The following SLC39A5 variants were observed in gnomAD, a reference collection of about 807,000 sequenced individuals.
SLC39A5 encodes the protein zinc transporter ZIP5.
Under a neutral mutation model 46.9 loss-of-function variants are expected in SLC39A5, and 42 were observed. That is an observed-to-expected ratio of 0.90 (90% CI 0.70 to 1.16). The LOEUF is 1.16. SLC39A5 is among the 50% of genes most tolerant of loss of function. The probability of loss-of-function intolerance (pLI) is 0.00; values close to 1 mark genes in which losing one functional copy is unlikely to be tolerated. For synonymous variants in SLC39A5, 311 were observed against 323.1 expected (o/e 0.96, Z 0.40); for missense variants, 677 against 686.8 (o/e 0.99, Z 0.16).
At position 56,231,418 on chromosome 12, in the gene SLC39A5, C is replaced by T. The variant is rs201565086; in HGVS notation, c.144C>T (p.Gly48=). The T allele has an allele frequency of 1.3e-4, 214 of 1,614,080 alleles. 1 individual carries two copies. The highest frequency in any genetic ancestry group is 1.7e-4 in the Non-Finnish European group (204 of 1,179,998). ...HYLAQLFGLY[G]ENGTLTAGGL... is the part of the protein sequence containing the mutation. ...TGGCCCAGCTGTTTGGCCTGTACGG[C>T]GAGAATGGGACGCTGACTGCAGGGG... The change falls in exon 4 of 13, where the codon GGC becomes GGT. Residue 48 remains glycine, a synonymous_variant. Transcript: ENST00000454355.
chr12:56,230,958 T>G, intron 3 of SLC39A5, 85 bp downstream of exon 3: 3 of 311,132 alleles, frequency 9.6e-6, no homozygotes, highest in African/African-American at 2.1e-5. Flanking sequence ...AGGGGTGGGG[T>G]TTAGGGGACA....
In SLC39A5 at chr12:56,237,252, T is replaced by G. The variant is rs1592381561; in HGVS notation, c.1391T>G (p.Val464Gly). 6.2e-7 allele frequency: 1 copy of G among 1,613,336 alleles called. No individual in the cohort carries two copies. Among genetic ancestry groups the G allele is most frequent in the Non-Finnish European group, 8.5e-7 (1 of 1,179,866 alleles). The change falls in exon 12 of 13, where the codon GTG (valine) becomes GGG (glycine). Residue 464 changes from valine to glycine, a missense_variant. Val to Gly is a moderately radical substitution (Grantham distance 109). Coordinates refer to ENST00000454355, the MANE Select transcript of SLC39A5 (RefSeq NM_173596.3). ...ALGLGGAVLG[V>G]GLSLGPVPLT... The stretch of plus-strand genomic sequence containing the variant: ...GGATTGGGGGGTGCAGTCCTGGGGG[T>G]GGGGCTCAGCCTGGGCCCTGTCCCC...
At chr12:56,233,877 C>T (rs1870475735) in intron 5 of SLC39A5, among the ~76,000 whole-genome samples, 1 of 152,144 alleles carries the variant, frequency 6.6e-6, no homozygotes, top group Non-Finnish European at 1.5e-5. Flanking sequence ...AAGATTCTGG[C>T]ATGGAGAGCT....
At chr12:56,232,294 T>C (rs1365765338) in intron 4 of SLC39A5, among the ~76,000 whole-genome samples, 1 of 150,372 alleles carries the variant, frequency 6.7e-6, no homozygotes, top group Non-Finnish European at 1.5e-5. Flanking sequence ...GCCTCCTGAG[T>C]AGCTGGGATT....
Position 56,237,233 on chromosome 12 carries a change from G to A in SLC39A5, c.1372G>A (p.Gly458Arg), listed in dbSNP as rs1165702909. The change falls in exon 12 of 13, where the codon GGG (glycine) becomes AGG (arginine). Residue 458 changes from glycine to arginine, a missense_variant. Transcript: ENST00000454355. Reference protein sequence around the residue: ...LSLVSGALGLGGAVLGVGLSL... With the variant: ...LSLVSGALGLRGAVLGVGLSL... The stretch of plus-strand genomic sequence containing the variant: ...CCTCGTGTCTGGAGCCCTGGGATTG[G>A]GGGGTGCAGTCCTGGGGGTGGGGCT... 14 of 1,613,868 alleles carry A rather than the reference G, an allele frequency of 8.7e-6. No homozygotes were observed. The highest frequency in any genetic ancestry group is 1.3e-5 in the African/African-American group (1 of 74,916).
In SLC39A5 at chr12:56,236,765, G is replaced by C. The variant is rs1338830645; in HGVS notation, c.1207+19G>C. On this transcript the variant is annotated intron_variant, in intron 10 of 12. Transcript: ENST00000454355. ...GCCATAGGTGTGAGGGGTGGGAACG[G>C]AGGGAAGCAGGTCCGAGGGGAGGCC... 1 of 1,585,808 alleles carries C rather than the reference G, an allele frequency of 6.3e-7. No homozygotes were observed.
In SLC39A5 at chr12:56,235,194, C is replaced by T. The variant is rs1026939006; in HGVS notation, c.672C>T (p.Ser224=). 3.8e-6 allele frequency: 6 copies of T among 1,560,920 alleles called. No individual in the cohort carries two copies. The African/African-American group carries it at 6.8e-5, about 18-fold the overall frequency. ...LQSALAVLLL[S]LPSPLSLLLL... is the part of the protein sequence containing the mutation. ...GTGCCCTGGCAGTCCTGTTGCTCAG[C>T]CTCCCTTCTCCCCTATCCCTGCTGC... Residue 224 remains serine (S), a synonymous_variant, in exon 7 of 13, where the codon AGC becomes AGT. Transcript: ENST00000454355.
At chr12:56,237,468 T>C (rs1870929091) in intron 12 of SLC39A5, 120 bp from the exon 13 acceptor site, 1 of 1,551,148 alleles carries the variant, frequency 6.4e-7, no homozygotes, top group Non-Finnish European at 8.7e-7. Context: ...CCCGCAAAAG[T>C]CTGAGAAACA....
intron 2 of SLC39A5, chr12:56,230,537 G>GA (rs1028382857): frequency 3.3e-5 from 5 of 152,126 alleles, no homozygotes; most frequent in Admixed American, 3.3e-4. Context: ...TATTTAAGAG[G>GA]AAAAAGACTA....
chr12:56,235,066 C>T (rs1190135441), intron 6 of SLC39A5, 80 bp downstream of exon 6: 9 of 1,591,578 alleles, frequency 5.7e-6, no homozygotes, highest in Non-Finnish European at 6.8e-6. Flanking sequence ...CACTGGGGTC[C>T]TGCCTCTCCT....
intron 5 of SLC39A5, among the ~76,000 whole-genome samples, chr12:56,234,463 C>T (rs528234942): frequency 1.3e-5 from 2 of 152,070 alleles, no homozygotes; most frequent in East Asian, 1.9e-4. Context: ...CACAGGTGCA[C>T]GCCACCATGC....
At chr12:56,232,646 A>G in intron 4 of SLC39A5, 43 bp from the exon 5 acceptor site, 1 of 1,533,596 alleles carries the variant, frequency 6.5e-7, no homozygotes, top group South Asian at 1.2e-5. Context: ...GCGGGTTGAT[A>G]GAGAACACAA....
At chr12:56,233,482 A>T (rs1264664484) in intron 5 of SLC39A5, among the ~76,000 whole-genome samples, 6 of 151,850 alleles carry the variant, frequency 4.0e-5, no homozygotes, top group Admixed American at 6.6e-5. Flanking sequence ...AAAAAATAAA[A>T]AAAAAATATC....
At chr12:56,236,001 C>CACT (rs1565601693) in intron 8 of SLC39A5, among the ~76,000 whole-genome samples, 1 of 152,156 alleles carries the variant, frequency 6.6e-6, no homozygotes, top group African/African-American at 2.4e-5. Flanking sequence ...AAGATGGCAC[C>CACT]ACTGCACTCC....
chr12:56,231,231 G>T lies in SLC39A5; in HGVS notation c.-44G>T, dbSNP rs1870172816. ...CACAGTCCTCAGGATGTTTCGGGGAGAATAGGAGCCAGAACCTGAGCCCCT... is the reference window on the plus strand; with the variant it reads ...CACAGTCCTCAGGATGTTTCGGGGATAATAGGAGCCAGAACCTGAGCCCCT... On this transcript the variant is annotated 5_prime_UTR_variant, in exon 4 of 13. The change creates a premature stop within an existing upstream ORF in the 5' untranslated region. Transcript: ENST00000454355. 2 of 1,540,078 alleles carry T rather than the reference G, an allele frequency of 1.3e-6. No homozygotes were observed. Among genetic ancestry groups the T allele is most frequent in the South Asian group, 2.5e-5 (2 of 79,970 alleles).
intron 5 of SLC39A5, 148 bp downstream of exon 5, chr12:56,233,020 G>C: frequency 1.3e-6 from 1 of 782,202 alleles, no homozygotes; most frequent in Non-Finnish European, 2.0e-6. Context: ...CCAACACTTT[G>C]GGAGGCCGAG....
In SLC39A5 at chr12:56,235,142, CCT is replaced by C. The variant is rs748530799; in HGVS notation, c.635-14_635-13del. 2.6e-5 allele frequency: 40 copies of C among 1,544,234 alleles called. No individual in the cohort carries two copies. The highest frequency in any genetic ancestry group is 4.1e-5 in the African/African-American group (3 of 72,956). ...CTCTTGCCCTGACCTAACTTCAGCC[CCT>C]GATTCTCCCCAGCCCTGCTTCAGAG... On this transcript the variant is annotated splice_polypyrimidine_tract_variant and intron_variant, in intron 6 of 12. Transcript: ENST00000454355.
intron 8 of SLC39A5, chr12:56,235,932 ACT>A: frequency 1.9e-6 from 1 of 531,302 alleles, no homozygotes; most frequent in Non-Finnish European, 3.3e-6. Flanking sequence ...AATCCCAGCT[ACT>A]CAGGAGGCTG....
At chr12:56,236,145 G>A (rs1041043851) in intron 8 of SLC39A5, among the ~76,000 whole-genome samples, 1 of 152,202 alleles carries the variant, frequency 6.6e-6, no homozygotes, top group Non-Finnish European at 1.5e-5. Flanking sequence ...AGGACCTATC[G>A]GCTAACAGGG....
Sources: allele counts gnomAD v4.1 joint callset (sites outside exome capture counted in the v4.1 genomes callset), GRCh38; gene constraint gnomAD v4.1.1; transcripts MANE v1.5; gene names NCBI Gene and HGNC (gene_info 2026-07-23, HGNC 2026-07-21).